Variants in CSMD3 observed in about 807,000 individuals in gnomAD.
CSMD3 encodes CUB and sushi domain-containing protein 3.
Under a neutral mutation model 435.2 loss-of-function variants are expected in CSMD3, and 177 were observed. The ratio of observed to expected loss-of-function variants is 0.41; its 90% CI spans 0.36 to 0.46. The LOEUF is 0.46. Among genes scored for constraint, CSMD3 ranks in the 20% least tolerant of loss-of-function variants. CSMD3 has a pLI of 0.34. For missense variants in CSMD3, 4,265 were observed against 4,504.6 expected (o/e 0.95, Z 1.52); for synonymous variants, 1,656 against 1,520.5 (o/e 1.09, Z -2.07).
chr8:112,788,532 C>A (rs1291083622), intron 13 of CSMD3, among the ~76,000 whole-genome samples: 1 of 152,012 alleles, frequency 6.6e-6, no homozygotes. Flanking sequence ...ATTATAGTCT[C>A]CAAAAAACAC....
intron 61 of CSMD3, among the ~76,000 whole-genome samples, chr8:112,257,900 C>T (rs1379499393): frequency 6.6e-6 from 1 of 152,118 alleles, no homozygotes; most frequent in African/African-American, 2.4e-5. Flanking sequence ...GCTACAGTAA[C>T]CAAAACAGCA....
At chr8:112,597,313 C>T (rs2131396415) in intron 22 of CSMD3, among the ~76,000 whole-genome samples, 1 of 152,038 alleles carries the variant, frequency 6.6e-6, no homozygotes, top group Admixed American at 6.5e-5. Flanking sequence ...CAAGACTAAA[C>T]CAGGAAGAAG....
chr8:112,343,087 T>TTTACATTTAA (rs1195742851), intron 41 of CSMD3, among the ~76,000 whole-genome samples: 8 of 146,676 alleles, frequency 5.5e-5, no homozygotes, highest in Non-Finnish European at 1.2e-4. Flanking sequence ...AAGAAAAGAG[T>TTTACATTTAA]ATGGTTATTA....
chr8:112,982,500 G>C (rs1383755941), intron 6 of CSMD3, among the ~76,000 whole-genome samples: 1 of 151,712 alleles, frequency 6.6e-6, no homozygotes, highest in Non-Finnish European at 1.5e-5. Flanking sequence ...TGTCATTCTG[G>C]GCTTCCCCTA....
chr8:112,547,271 A>G (rs1222768180), intron 27 of CSMD3, among the ~76,000 whole-genome samples: 1 of 152,148 alleles, frequency 6.6e-6, no homozygotes, highest in Non-Finnish European at 1.5e-5. Context: ...TGTGTTTTAT[A>G]TAGACATTTT....
At position 112,389,343 on chromosome 8, in the gene CSMD3, T is replaced by C. The variant is rs185136022; in HGVS notation, c.5934+1321A>G. On this transcript the variant is annotated intron_variant, in intron 36 of 70. Coordinates refer to ENST00000297405, the MANE Select transcript of CSMD3 (RefSeq NM_198123.2). ...TTCTATGAAGATTCTAAAGGTATCA[T>C]ATCATTTCAGATCCTCTATACAAGC... is the stretch of plus-strand genomic sequence containing the variant. 5.3e-5 allele frequency among the ~76,000 whole-genome samples: 8 copies of C among 152,306 alleles called. No homozygotes were observed. The East Asian group carries it at 1.5e-3, about 29-fold the overall frequency.
chr8:113,044,844 T>C (rs1242892505), intron 5 of CSMD3, among the ~76,000 whole-genome samples: 3 of 149,210 alleles, frequency 2.0e-5, no homozygotes, highest in African/African-American at 7.3e-5. Flanking sequence ...TCTGAAAAGA[T>C]AAAGTATAGA....
At chr8:112,835,900 G>A (rs923341587) in intron 11 of CSMD3, among the ~76,000 whole-genome samples, 1 of 151,820 alleles carries the variant, frequency 6.6e-6, no homozygotes, top group Non-Finnish European at 1.5e-5. Flanking sequence ...AGAGAAATCA[G>A]TATTCACTAG....
intron 4 of CSMD3, among the ~76,000 whole-genome samples, chr8:113,129,648 A>G (rs2091233278): frequency 6.6e-6 from 1 of 152,202 alleles, no homozygotes; most frequent in South Asian, 2.1e-4. Flanking sequence ...AATTGCATGT[A>G]AAATCACAGG....
chr8:112,989,401 T>C (rs1274538011), intron 6 of CSMD3, among the ~76,000 whole-genome samples: 3 of 152,046 alleles, frequency 2.0e-5, no homozygotes, highest in African/African-American at 7.2e-5. Context: ...GAAACAATAC[T>C]TATTTTTAGC....
In CSMD3 at chr8:113,212,760, G is replaced by A. The variant is rs2092853092; in HGVS notation, c.515-38844C>T. Among the ~76,000 whole-genome samples the A allele has an allele frequency of 2.0e-5, 3 of 151,606 alleles. No homozygotes were observed. In the South Asian group the frequency reaches 6.2e-4, roughly 32 times the overall value. ...TTGTGGGGTGGGGGAAGGGGGGAGG[G>A]ATAGCATTAGGAGATATACCTAATG... is the stretch of plus-strand genomic sequence containing the variant. On this transcript the variant is annotated intron_variant, in intron 3 of 70. Transcript: ENST00000297405.
chr8:112,817,685 G>A (rs1234350625), intron 12 of CSMD3, among the ~76,000 whole-genome samples: 1 of 152,032 alleles, frequency 6.6e-6, no homozygotes, highest in Non-Finnish European at 1.5e-5. Context: ...TAGAGATAGA[G>A]AGAGAGAGAG....
chr8:112,406,691 A>G lies in CSMD3; in HGVS notation c.5642T>C (p.Val1881Ala), dbSNP rs1831891131. Reference sequence around the variant, plus strand: ...TCTTCTTCCGAATCTTGGTTCAGGCACAGAACTGCATTGTGTAGAACTTGT... The same window carrying G: ...TCTTCTTCCGAATCTTGGTTCAGGCGCAGAACTGCATTGTGTAGAACTTGT... ...PRTSSTQCSS[V>A]PEPRFGRRIG... The change falls in exon 35 of 71, where the codon GTG becomes GCG. Residue 1881 changes from valine to alanine, a missense_variant. Physicochemically the swap from Val to Ala is moderately conservative, Grantham distance 64 (BLOSUM62 0). Coordinates refer to ENST00000297405, the MANE Select transcript of CSMD3 (RefSeq NM_198123.2). 1 of 1,611,390 alleles carries G rather than the reference A, an allele frequency of 6.2e-7. No homozygotes were observed. The highest frequency in any genetic ancestry group is 1.3e-5 in the African/African-American group (1 of 74,870).
chr8:113,180,144 T>C (rs556485002), intron 3 of CSMD3, among the ~76,000 whole-genome samples: 1 of 152,010 alleles, frequency 6.6e-6, no homozygotes, highest in East Asian at 1.9e-4. Context: ...TTAGAGAAAA[T>C]TAATCTCAGG....
chr8:113,186,768 A>C (rs2092509326), intron 3 of CSMD3, among the ~76,000 whole-genome samples: 1 of 152,016 alleles, frequency 6.6e-6, no homozygotes, highest in Non-Finnish European at 1.5e-5. Flanking sequence ...GGATAGCTTT[A>C]TTTAACGTTC....
chr8:113,330,406 A>G (rs1335260429), intron 1 of CSMD3, among the ~76,000 whole-genome samples: 3 of 152,032 alleles, frequency 2.0e-5, no homozygotes, highest in Non-Finnish European at 4.4e-5. Context: ...AAGAACAAAT[A>G]TATAAGGCGT....
chr8:113,012,690 T>C (rs922340596), intron 6 of CSMD3, among the ~76,000 whole-genome samples: 8 of 152,022 alleles, frequency 5.3e-5, no homozygotes, highest in African/African-American at 1.9e-4. Context: ...TCCCCATCCA[T>C]GCAGAACTGT....
intron 1 of CSMD3, among the ~76,000 whole-genome samples, chr8:113,420,501 A>G (rs1233028422): frequency 6.6e-6 from 1 of 152,306 alleles, no homozygotes; most frequent in Non-Finnish European, 1.5e-5. Flanking sequence ...TAGAAGTAGT[A>G]AAACTAAATA....
chr8:113,145,143 G>A (rs1301164188), intron 4 of CSMD3, among the ~76,000 whole-genome samples: 1 of 151,540 alleles, frequency 6.6e-6, no homozygotes, highest in Middle Eastern at 3.2e-3. Flanking sequence ...GGGGTGCTTG[G>A]AATGGAGTGG....
Sources: allele counts gnomAD v4.1 joint callset (sites outside exome capture counted in the v4.1 genomes callset), GRCh38; gene constraint gnomAD v4.1.1; transcripts MANE v1.5; gene names NCBI Gene and HGNC (gene_info 2026-07-23, HGNC 2026-07-21).